C7orf78: variants seen among roughly 807,000 people sequenced by gnomAD.
C7orf78 encodes the protein chromosome 7 open reading frame 78, also known as putative uncharacterized protein C7orf78.
At chr7:12,529,951 G>T in the C7orf78 span, among the ~76,000 whole-genome samples, 1,226 of 152,292 alleles carry the variant, frequency 8.1e-3, 18 homozygotes, top group African/African-American at 0.028. Context: ...TGCAAATTAA[G>T]GGGTGGGTTA....
chr7:12,518,905 A>C, the C7orf78 span, among the ~76,000 whole-genome samples: 1 of 151,968 alleles, frequency 6.6e-6, no homozygotes, highest in Non-Finnish European at 1.5e-5. Context: ...GTGAATATTT[A>C]ATCTCTGGCA....
chr7:12,493,207 A>T, the C7orf78 span, among the ~76,000 whole-genome samples: 241 of 152,302 alleles, frequency 1.6e-3, 1 homozygote, highest in African/African-American at 5.4e-3. Context: ...TAAGTAAGTA[A>T]ATAAATCTAT....
the C7orf78 span, among the ~76,000 whole-genome samples, chr7:12,489,635 C>T: frequency 2.6e-5 from 4 of 151,904 alleles, no homozygotes; most frequent in Admixed American, 6.6e-5. Context: ...TATCTAGAAG[C>T]GGGAATGCCT....
At chr7:12,496,553 C>A in the C7orf78 span, 2 of 152,180 alleles carry the variant, frequency 1.3e-5, no homozygotes, top group Admixed American at 6.5e-5. Context: ...GCTTCAGAGA[C>A]CTTCCTCTCA....
chr7:12,516,539 A>G, the C7orf78 span, among the ~76,000 whole-genome samples: 1 of 152,182 alleles, frequency 6.6e-6, no homozygotes, highest in Admixed American at 6.5e-5. Flanking sequence ...CATCCTCCAG[A>G]TCCCAGAATG....
the C7orf78 span, chr7:12,530,942 T>G: frequency 7.5e-6 from 3 of 397,596 alleles, no homozygotes; most frequent in Non-Finnish European, 1.3e-5. Context: ...AACAGCAAAT[T>G]TTAACAAGTA....
the C7orf78 span, among the ~76,000 whole-genome samples, chr7:12,493,066 G>C: frequency 6.6e-6 from 1 of 152,122 alleles, no homozygotes; most frequent in Admixed American, 6.5e-5. Context: ...AGCCAGACAT[G>C]GTGGCACATG....
chr7:12,533,913 A>G, the C7orf78 span, among the ~76,000 whole-genome samples: 1 of 152,186 alleles, frequency 6.6e-6, no homozygotes, highest in African/African-American at 2.4e-5. Flanking sequence ...TTCAACTTTC[A>G]TAGGTGTCAC....
chr7:12,528,785 A>T, the C7orf78 span: 1 of 395,486 alleles, frequency 2.5e-6, no homozygotes. Context: ...ACATCTATAA[A>T]TTATCCAGCG....
At chr7:12,487,394 A>T in the C7orf78 span, among the ~76,000 whole-genome samples, 1 of 152,050 alleles carries the variant, frequency 6.6e-6, no homozygotes, top group African/African-American at 2.4e-5. Context: ...CCTTTAGAAA[A>T]ATGAAGATAT....
the C7orf78 span, among the ~76,000 whole-genome samples, chr7:12,497,481 TCGGGAA>T: frequency 1.7e-4 from 1 of 6,042 alleles, no homozygotes; most frequent in Non-Finnish European, 3.6e-4. Flanking sequence ...ACCTGGAGAA[TCGGGAA>T]AATCGGGTCA....
At chr7:12,506,478 C>T in the C7orf78 span, among the ~76,000 whole-genome samples, 3 of 152,154 alleles carry the variant, frequency 2.0e-5, no homozygotes, top group East Asian at 1.9e-4. Context: ...ATGATGAGTT[C>T]GTGTCCTTTG....
the C7orf78 span, chr7:12,506,886 G>A: frequency 2.1e-6 from 1 of 473,762 alleles, no homozygotes; most frequent in East Asian, 6.4e-5. Flanking sequence ...TGTATAACAA[G>A]TTTAAGAACA....
At chr7:12,534,762 G>T in the C7orf78 span, among the ~76,000 whole-genome samples, 1 of 152,116 alleles carries the variant, frequency 6.6e-6, no homozygotes, top group African/African-American at 2.4e-5. Context: ...AGACCAGCAT[G>T]GACAACATTA....
At chr7:12,529,102 T>C in the C7orf78 span, 1 of 397,266 alleles carries the variant, frequency 2.5e-6, no homozygotes, top group Non-Finnish European at 4.4e-6. Flanking sequence ...TTGTCGACAA[T>C]TGCTTTAGTG....
At chr7:12,490,270 G>C in the C7orf78 span, among the ~76,000 whole-genome samples, 1 of 152,036 alleles carries the variant, frequency 6.6e-6, no homozygotes, top group South Asian at 2.1e-4. Flanking sequence ...ATAATAGAGG[G>C]ATGATGCTCA....
chr7:12,495,668 C>T, the C7orf78 span, among the ~76,000 whole-genome samples: 21 of 152,102 alleles, frequency 1.4e-4, no homozygotes, highest in East Asian at 2.5e-3. Context: ...TTTTCTTTTT[C>T]GGAACACTAT....
chr7:12,536,432 C>T, the C7orf78 span, among the ~76,000 whole-genome samples: 2 of 152,228 alleles, frequency 1.3e-5, no homozygotes, highest in South Asian at 4.1e-4. Flanking sequence ...AGCACGGGGA[C>T]CCTGGTCCTG....
chr7:12,489,644 C>T, the C7orf78 span, among the ~76,000 whole-genome samples: 1 of 152,026 alleles, frequency 6.6e-6, no homozygotes, highest in East Asian at 1.9e-4. Context: ...GCGGGAATGC[C>T]TTCAGGAGGC....
Sources: allele counts gnomAD v4.1 joint callset (sites outside exome capture counted in the v4.1 genomes callset), GRCh38; gene constraint gnomAD v4.1.1; transcripts MANE v1.5; gene names NCBI Gene and HGNC (gene_info 2026-07-23, HGNC 2026-07-21).